The following NKAIN3 variants were observed in gnomAD, a reference collection of about 807,000 sequenced individuals.
NKAIN3 encodes sodium/potassium transporting ATPase interacting 3.
A neutral mutation model predicts 30.2 loss-of-function variants in NKAIN3; 25 were observed. That is an observed-to-expected ratio of 0.83 (90% CI 0.60 to 1.16). The LOEUF (loss-of-function observed/expected upper bound fraction) is 1.16, where lower values mean the gene tolerates loss of function less well. Ranked by LOEUF, NKAIN3 falls within the 50% of genes most tolerant of loss-of-function variation. The pLI is 0.00. For missense variants in NKAIN3, 225 were observed against 254.1 expected (o/e 0.89, Z 0.78); for synonymous variants, 91 against 89.6 (o/e 1.02, Z -0.09).
chr8:62,587,992 G>T (rs147400451), intron 2 of NKAIN3, among the ~76,000 whole-genome samples: 48 of 152,046 alleles, frequency 3.2e-4, no homozygotes, highest in African/African-American at 1.1e-3. Context: ...TTAGGAATTA[G>T]TCCCAATAAT....
chr8:62,796,991 T>C (rs1817883522), intron 4 of NKAIN3, among the ~76,000 whole-genome samples: 1 of 152,224 alleles, frequency 6.6e-6, no homozygotes, highest in Non-Finnish European at 1.5e-5. Flanking sequence ...TGCTCTCTGA[T>C]TCCATTTGTT....
chr8:62,699,936 G>C (rs1400159569), intron 3 of NKAIN3, among the ~76,000 whole-genome samples: 1 of 152,112 alleles, frequency 6.6e-6, no homozygotes, highest in Non-Finnish European at 1.5e-5. Context: ...GACCAGCCTG[G>C]GCAATGTAGT....
At chr8:62,582,674 A>C (rs1810344087) in intron 2 of NKAIN3, among the ~76,000 whole-genome samples, 1 of 152,170 alleles carries the variant, frequency 6.6e-6, no homozygotes, top group Non-Finnish European at 1.5e-5. Flanking sequence ...TTTACTCATT[A>C]AGCATCTATT....
chr8:62,516,456 C>G (rs1163180769), intron 1 of NKAIN3, among the ~76,000 whole-genome samples: 1 of 152,036 alleles, frequency 6.6e-6, no homozygotes, highest in Non-Finnish European at 1.5e-5. Flanking sequence ...TATGGTAAAG[C>G]AAAATCCTTG....
intron 3 of NKAIN3, among the ~76,000 whole-genome samples, chr8:62,640,528 A>G (rs1812276914): frequency 6.6e-6 from 1 of 152,162 alleles, no homozygotes; most frequent in Non-Finnish European, 1.5e-5. Context: ...ATGAACTAAT[A>G]CAGTATCTCA....
intron 1 of NKAIN3, among the ~76,000 whole-genome samples, chr8:62,345,639 G>GTATATATACACA (rs1290250686): frequency 0.014 from 1,968 of 137,516 alleles, 219 homozygotes; most frequent in African/African-American, 0.058. Context: ...ACACATATAT[G>GTATATATACACA]TATATATACA....
intron 1 of NKAIN3, among the ~76,000 whole-genome samples, chr8:62,387,241 T>TA (rs1817457289): frequency 6.6e-6 from 1 of 151,990 alleles, no homozygotes; most frequent in Non-Finnish European, 1.5e-5. Context: ...CATGGGAGCG[T>TA]GGGCCACATG....
chr8:62,560,111 T>C (rs1175678121), intron 1 of NKAIN3, among the ~76,000 whole-genome samples: 1 of 152,206 alleles, frequency 6.6e-6, no homozygotes, highest in East Asian at 1.9e-4. Context: ...CTGGCTTTTG[T>C]AATTTCTACA....
chr8:62,480,761 A>G (rs372166250), intron 1 of NKAIN3, among the ~76,000 whole-genome samples: 4 of 152,128 alleles, frequency 2.6e-5, no homozygotes, highest in African/African-American at 9.7e-5. Flanking sequence ...AACCAAATCC[A>G]AGGACTCATG....
intron 3 of NKAIN3, among the ~76,000 whole-genome samples, chr8:62,595,319 A>G (rs1810789494): frequency 1.3e-5 from 2 of 150,800 alleles, no homozygotes; most frequent in South Asian, 2.1e-4. Flanking sequence ...AAATATGAGT[A>G]TCTAGAGTGT....
intron 1 of NKAIN3, among the ~76,000 whole-genome samples, chr8:62,343,894 C>T (rs1226873574): frequency 6.6e-6 from 1 of 151,940 alleles, no homozygotes; most frequent in Non-Finnish European, 1.5e-5. Flanking sequence ...GTATAGAGAT[C>T]ACATTTTGAT....
Position 62,312,139 on chromosome 8 carries a change from A to G in NKAIN3, c.54+63012A>G, listed in dbSNP as rs184725933. Among the ~76,000 whole-genome samples the G allele has an allele frequency of 1.1e-3, 168 of 150,668 alleles. 12 individuals carry two copies. Among genetic ancestry groups the G allele is most frequent in the African/African-American group, 4.0e-3 (160 of 40,030 alleles). ...AACATGACTTCAAAGAGAAAAAGGA[A>G]CTACATAAGATTTCTGACTTTCGAA... On this transcript the variant is annotated intron_variant, in intron 1 of 6. Transcript: ENST00000623646.
intron 1 of NKAIN3, among the ~76,000 whole-genome samples, chr8:62,315,841 G>A (rs1197435897): frequency 2.0e-5 from 3 of 152,196 alleles, no homozygotes; most frequent in Non-Finnish European, 4.4e-5. Flanking sequence ...AACTTTTGCA[G>A]CAATGTGCCT....
At chr8:62,993,009 G>A (rs1291425434) in intron 5 of NKAIN3, among the ~76,000 whole-genome samples, 1 of 151,964 alleles carries the variant, frequency 6.6e-6, no homozygotes, top group East Asian at 1.9e-4. Flanking sequence ...TCTGTGTTCT[G>A]GTTTTGTGAA....
chr8:62,407,075 T>A (rs1804094099), intron 1 of NKAIN3, among the ~76,000 whole-genome samples: 1 of 152,142 alleles, frequency 6.6e-6, no homozygotes, highest in Admixed American at 6.6e-5. Flanking sequence ...TAGGATTCTT[T>A]TACTGGACAT....
intron 4 of NKAIN3, among the ~76,000 whole-genome samples, chr8:62,908,664 C>T (rs1821849902): frequency 6.6e-6 from 1 of 152,176 alleles, no homozygotes; most frequent in African/African-American, 2.4e-5. Context: ...TCTTGCCTCC[C>T]ACCATGTAAG....
At chr8:62,944,904 AATATTTGGTG>A (rs1823078033) in intron 5 of NKAIN3, among the ~76,000 whole-genome samples, 1 of 152,208 alleles carries the variant, frequency 6.6e-6, no homozygotes, top group African/African-American at 2.4e-5. Flanking sequence ...AAATACTTCC[AATATTTGGTG>A]CTAGTATTTA....
Position 62,325,569 on chromosome 8 carries a change from C to T in NKAIN3, c.54+76442C>T, listed in dbSNP as rs111763757. On this transcript the variant is annotated intron_variant, in intron 1 of 6. Transcript: ENST00000623646. ...TAAGGAATCTCCAAACTGTTTTCCA[C>T]AGTGTTTGTACTAGTTTACATTCCC... Among the ~76,000 whole-genome samples the T allele has an allele frequency of 9.0e-3, 1,369 of 152,184 alleles. 31 individuals are homozygous for T. Among genetic ancestry groups the T allele is most frequent in the African/African-American group, 0.031 (1,293 of 41,548 alleles).
At chr8:62,807,668 TC>T (rs1818343091) in intron 4 of NKAIN3, among the ~76,000 whole-genome samples, 1 of 150,028 alleles carries the variant, frequency 6.7e-6, no homozygotes, top group Admixed American at 6.7e-5. Flanking sequence ...TTCTCCTGCC[TC>T]AGCCTCCCAA....
Sources: allele counts gnomAD v4.1 joint callset (sites outside exome capture counted in the v4.1 genomes callset), GRCh38; gene constraint gnomAD v4.1.1; transcripts MANE v1.5; gene names NCBI Gene and HGNC (gene_info 2026-07-23, HGNC 2026-07-21).